The following HDAC9 variants were observed in gnomAD, a reference collection of about 807,000 sequenced individuals.
HDAC9 encodes the protein histone deacetylase 9.
Under a neutral mutation model 139.4 loss-of-function variants are expected in HDAC9, and 41 were observed. The observed-to-expected ratio is 0.29, with a 90% CI of 0.23 to 0.38. The LOEUF (loss-of-function observed/expected upper bound fraction) is 0.38. HDAC9 is among the 10% of genes least tolerant of loss of function. The pLI is 1.00. For synonymous variants in HDAC9, 517 were observed against 476.2 expected, an observed-to-expected ratio of 1.09 and a Z score of -1.12; for missense variants, 1,147 against 1,297.0, an observed-to-expected ratio of 0.88 and a Z score of 1.78.
intron 2 of HDAC9, among the ~76,000 whole-genome samples, chr7:18,239,827 C>T (rs554179341): frequency 6.6e-6 from 1 of 152,092 alleles, no homozygotes; most frequent in East Asian, 1.9e-4. Context: ...TATCACAATA[C>T]TGGGTAAAAG....
intron 1 of HDAC9, among the ~76,000 whole-genome samples, chr7:18,155,093 C>CTTTCTTTCTTTCTT (rs761803907): frequency 7.8e-5 from 11 of 141,714 alleles, no homozygotes; most frequent in African/African-American, 2.4e-4. Context: ...TTCTTTCTTT[C>CTTTCTTTCTTTCTT]TTTTTTTTTT....
At chr7:18,641,060 T>C (rs1388086547) in intron 8 of HDAC9, among the ~76,000 whole-genome samples, 1 of 152,140 alleles carries the variant, frequency 6.6e-6, no homozygotes, top group African/African-American at 2.4e-5. Flanking sequence ...CCTGTGGCAG[T>C]TGACATTGTC....
chr7:18,748,275 T>C (rs1180821187), intron 13 of HDAC9, among the ~76,000 whole-genome samples: 2 of 152,218 alleles, frequency 1.3e-5, no homozygotes, highest in Non-Finnish European at 2.9e-5. Context: ...AAATGAAATA[T>C]GCTAATACTT....
chr7:18,838,966 T>A (rs1308944968), intron 21 of HDAC9, among the ~76,000 whole-genome samples: 1 of 152,022 alleles, frequency 6.6e-6, no homozygotes, highest in East Asian at 1.9e-4. Context: ...ACCAAAGATT[T>A]CACATTTACT....
intron 16 of HDAC9, among the ~76,000 whole-genome samples, chr7:18,771,505 A>G (rs1254077294): frequency 6.6e-6 from 1 of 151,636 alleles, no homozygotes; most frequent in South Asian, 2.1e-4. Context: ...TTAAAATGTA[A>G]GCTCTCCCCT....
At chr7:18,901,498 C>G (rs1480951921) in intron 22 of HDAC9, among the ~76,000 whole-genome samples, 3 of 152,040 alleles carry the variant, frequency 2.0e-5, no homozygotes, top group Non-Finnish European at 4.4e-5. Context: ...TTCTGGTAAG[C>G]CTGTTTGTTA....
chr7:18,203,022 T>C (rs1340322783), intron 2 of HDAC9, among the ~76,000 whole-genome samples: 1 of 152,218 alleles, frequency 6.6e-6, no homozygotes, highest in Non-Finnish European at 1.5e-5. Flanking sequence ...ACATTATATA[T>C]GCTTTATAAA....
At chr7:18,282,779 T>C (rs1797182815) in intron 2 of HDAC9, among the ~76,000 whole-genome samples, 1 of 152,060 alleles carries the variant, frequency 6.6e-6, no homozygotes, top group Non-Finnish European at 1.5e-5. Context: ...TAGTCTTCAC[T>C]CTATACAGCC....
rs888688363 is a variant in HDAC9, at chr7:18,944,656, A to G, written c.2937+8714A>G. On this transcript the variant is annotated intron_variant, in intron 23 of 25. Transcript: ENST00000686413. ...CACATATGTAATGATCAACCAAGAG[A>G]TAGAGTAATGTCAGCTCTATCTCTA... Among the ~76,000 whole-genome samples, 19 of 152,278 alleles carry G rather than the reference A, an allele frequency of 1.2e-4. No individual in the cohort carries two copies. In the Middle Eastern group the frequency reaches 0.01, roughly 82 times the overall value.
intron 24 of HDAC9, among the ~76,000 whole-genome samples, chr7:18,967,369 TATC>T (rs1783929249): frequency 6.6e-6 from 1 of 152,184 alleles, no homozygotes; most frequent in Admixed American, 6.5e-5. Flanking sequence ...ACTCCATTAG[TATC>T]ATTTCTTGCT....
At chr7:18,241,963 G>T (rs1172763224) in intron 2 of HDAC9, among the ~76,000 whole-genome samples, 1 of 152,184 alleles carries the variant, frequency 6.6e-6, no homozygotes, top group Non-Finnish European at 1.5e-5. Flanking sequence ...TCAGTTCAGG[G>T]ATTTTAGCAA....
intron 2 of HDAC9, among the ~76,000 whole-genome samples, chr7:18,263,803 G>C (rs11761953): frequency 2.0e-5 from 3 of 151,950 alleles, no homozygotes; most frequent in African/African-American, 7.3e-5. Flanking sequence ...TTTTTAAGTA[G>C]AGATGGGGTT....
At chr7:18,585,603 T>C in intron 3 of HDAC9, 81 bp downstream of exon 3, 4 of 1,503,134 alleles carry the variant, frequency 2.7e-6, no homozygotes, top group Non-Finnish European at 2.7e-6. Flanking sequence ...GGGAACACTT[T>C]GCGGGTAGAT....
At chr7:18,657,196 A>G (rs144429243) in intron 11 of HDAC9, among the ~76,000 whole-genome samples, 98 of 152,088 alleles carry the variant, frequency 6.4e-4, no homozygotes, top group African/African-American at 2.1e-3. Context: ...CAGAGGGGTA[A>G]TTTGCAAATA....
chr7:18,392,342 C>T (rs1386683685), intron 1 of HDAC9, among the ~76,000 whole-genome samples: 6 of 151,314 alleles, frequency 4.0e-5, no homozygotes, highest in Non-Finnish European at 7.4e-5. Context: ...CACACACACA[C>T]ACACACACAC....
chr7:18,737,327 G>C (rs1294926530), intron 13 of HDAC9, among the ~76,000 whole-genome samples: 1 of 152,058 alleles, frequency 6.6e-6, no homozygotes, highest in South Asian at 2.1e-4. Context: ...TGTGATATTA[G>C]GGTCTTGATT....
At chr7:18,101,944 T>G (rs1782885047) in intron 1 of HDAC9, among the ~76,000 whole-genome samples, 2 of 152,214 alleles carry the variant, frequency 1.3e-5, no homozygotes, top group African/African-American at 4.8e-5. Context: ...CATAAATTAC[T>G]ATATTTTAAA....
rs1200358491 is a variant in HDAC9, at chr7:18,654,533, CA to C, written c.1467+5852del. On this transcript the variant is annotated intron_variant, in intron 11 of 25. Transcript: ENST00000686413. ...TTTTACAGGGCTGAAGTAGATTGAG[CA>C]AGGTGGCAGGGCTAGTGCAGAGCTG... 5.9e-5 allele frequency among the ~76,000 whole-genome samples: 9 copies of C among 152,152 alleles called. 1 individual carries two copies. The South Asian group carries it at 1.5e-3, about 25-fold the overall frequency.
rs775285387 is a variant in HDAC9, at chr7:18,749,014, A to T, written c.1919A>T (p.Tyr640Phe). 13 of 1,613,498 alleles carry T rather than the reference A, an allele frequency of 8.1e-6. No individual in the cohort carries two copies. The South Asian group carries it at 1.4e-4, about 18-fold the overall frequency. ...LQPGSATGIAYDPLMLKHQCV... is the reference protein window; with the variant it reads ...LQPGSATGIAFDPLMLKHQCV... ...TTCCCTTGTCTTAAAGGAATTGCCT[A>T]TGACCCCTTGATGCTGAAACACCAG... Residue 640 changes from tyrosine (Y) to phenylalanine (F), a missense_variant, in exon 14 of 26, where the codon TAT becomes TTT. Tyr to Phe is a conservative substitution (Grantham distance 22). Transcript: ENST00000686413.
Sources: allele counts gnomAD v4.1 joint callset (sites outside exome capture counted in the v4.1 genomes callset), GRCh38; gene constraint gnomAD v4.1.1; transcripts MANE v1.5; gene names NCBI Gene and HGNC (gene_info 2026-07-23, HGNC 2026-07-21).